Variants in RFC5 observed in about 807,000 individuals in gnomAD.
The protein encoded by RFC5 is replication factor C subunit 5.
A neutral mutation model predicts 44.3 loss-of-function variants in RFC5; 26 were observed. That is an observed-to-expected ratio of 0.59 (90% CI 0.43 to 0.81). RFC5 has a LOEUF of 0.81. RFC5 is among the 40% of genes least tolerant of loss of function. The pLI, the probability that RFC5 is intolerant of heterozygous loss-of-function variation, is 0.00. For missense variants in RFC5, 328 were observed against 418.6 expected, an observed-to-expected ratio of 0.78 and a Z score of 1.89; for synonymous variants, 155 against 155.2, an observed-to-expected ratio of 1.00 and a Z score of 0.01.
chr12:118,038,253 C>A, the RFC5 span: 1 of 1,591,182 alleles, frequency 6.3e-7, no homozygotes, highest in South Asian at 1.1e-5. Flanking sequence ...ACCTCCATGT[C>A]TCAGTGAATT....
At chr12:118,016,975 C>G in intron 1 of RFC5, 83 bp downstream of exon 1, 12 of 1,126,904 alleles carry the variant, frequency 1.1e-5, no homozygotes, top group Non-Finnish European at 1.6e-5. Context: ...GGCAGGTGAC[C>G]GGACCCCAAC....
chr12:118,026,886 C>G lies in RFC5; in HGVS notation c.664-3C>G. 1.2e-6 allele frequency: 2 copies of G among 1,613,858 alleles called. No homozygotes were observed. The highest frequency in any genetic ancestry group is 8.5e-7 in the Non-Finnish European group (1 of 1,179,928). ...TCTCCCCTTTCCCCCTCTGTCTACA[C>G]AGAGCACCAATATGGCCTTTGGGAA... On this transcript the variant is annotated splice_polypyrimidine_tract_variant and splice_region_variant and intron_variant, in intron 7 of 10. Transcript: ENST00000454402.
chr12:118,034,391 A>G (rs746582948), downstream of RFC5: 4 of 1,604,580 alleles, frequency 2.5e-6, no homozygotes, highest in Non-Finnish European at 3.4e-6. Context: ...GCTAAGACAG[A>G]GCTTGGATGT....
chr12:118,036,281 G>A, downstream of RFC5: 1 of 1,566,852 alleles, frequency 6.4e-7, no homozygotes, highest in Non-Finnish European at 8.7e-7. Context: ...TCTAATCCCA[G>A]GCAGGTTCCT....
intron 5 of RFC5, among the ~76,000 whole-genome samples, chr12:118,024,295 C>G (rs1320297052): frequency 1.3e-5 from 2 of 150,468 alleles, no homozygotes; most frequent in Admixed American, 6.6e-5. Flanking sequence ...GAGCCAAGAT[C>G]GTGCCATTGC....
At chr12:118,027,804 A>AAC in intron 8 of RFC5, 149 bp from the exon 9 acceptor site, 1 of 572,490 alleles carries the variant, frequency 1.7e-6, no homozygotes, top group Non-Finnish European at 3.1e-6. Flanking sequence ...ATTGGAGTCC[A>AAC]ACACGTGCAG....
At chr12:118,034,582 T>TCTCTCTCTC (rs879299075), downstream of RFC5, 26 of 542,816 alleles carry the variant, frequency 4.8e-5, no homozygotes, top group Admixed American at 4.1e-4. Flanking sequence ...GCGCTCTCTC[T>TCTCTCTCTC]GTCTCTCTCT....
At chr12:118,021,126 T>C in intron 4 of RFC5, 141 bp downstream of exon 4, 1 of 578,046 alleles carries the variant, frequency 1.7e-6, no homozygotes, top group South Asian at 2.2e-5. Flanking sequence ...GGAAAAGAGA[T>C]AAACGAGAGG....
chr12:118,021,046 AT>A, intron 4 of RFC5, 61 bp downstream of exon 4: 1 of 1,049,892 alleles, frequency 9.5e-7, no homozygotes, highest in Non-Finnish European at 1.5e-6. Flanking sequence ...ATATGGGTTA[AT>A]TTTTTAATCC....
At chr12:118,034,892 G>A (rs867982342), downstream of RFC5, 20 of 1,242,304 alleles carry the variant, frequency 1.6e-5, 1 homozygote, top group Middle Eastern at 1.4e-3. Flanking sequence ...TTTCCTCATA[G>A]GCAAGAAAAT....
intron 4 of RFC5, among the ~76,000 whole-genome samples, chr12:118,021,977 G>A (rs1306539482): frequency 6.6e-6 from 1 of 152,040 alleles, no homozygotes; most frequent in African/African-American, 2.4e-5. Context: ...AAAAGGGTGA[G>A]GGACTCAGGC....
At chr12:118,028,947 G>A (rs2031139645) in intron 9 of RFC5, among the ~76,000 whole-genome samples, 1 of 152,244 alleles carries the variant, frequency 6.6e-6, no homozygotes, top group Admixed American at 6.5e-5. Context: ...ACTGCAAGAT[G>A]GAGACTTAAC....
Position 118,016,737 on chromosome 12 carries a change from G to C in RFC5, c.-91G>C, listed in dbSNP as rs1055868973. ...TTTTGCGCGCGAACTGTAAGTGCCAGGGTCTCAGGGTCAGGTCGCGGCTGG... is the reference window on the plus strand; with the variant it reads ...TTTTGCGCGCGAACTGTAAGTGCCACGGTCTCAGGGTCAGGTCGCGGCTGG... On this transcript the variant is annotated 5_prime_UTR_variant, in exon 1 of 11. Coordinates refer to ENST00000454402, the MANE Select transcript of RFC5 (RefSeq NM_007370.7). 2.9e-6 allele frequency: 3 copies of C among 1,045,968 alleles called. No individual in the cohort carries two copies. The highest frequency in any genetic ancestry group is 4.3e-6 in the Non-Finnish European group (3 of 691,138). 64.8% of individuals were successfully genotyped at this position (1,045,968 alleles called of 1,614,324 possible).
chr12:118,038,461 G>C, the RFC5 span: 1 of 1,431,150 alleles, frequency 7.0e-7, no homozygotes, highest in Non-Finnish European at 9.7e-7. Context: ...GGAGAACTGG[G>C]GTGGTAACAG....
intron 6 of RFC5, 165 bp downstream of exon 6, chr12:118,025,175 G>T: frequency 3.6e-6 from 2 of 548,370 alleles, no homozygotes; most frequent in Non-Finnish European, 6.3e-6. Flanking sequence ...TTTCTCTGCT[G>T]TCTCAAGGCC....
At chr12:118,027,862 T>C (rs1323393654) in intron 8 of RFC5, 91 bp from the exon 9 acceptor site, 5 of 791,438 alleles carry the variant, frequency 6.3e-6, no homozygotes, top group Non-Finnish European at 8.9e-6. Context: ...AAGCCTTACT[T>C]TAAAAAGTCT....
chr12:118,027,016 G>C lies in RFC5; in HGVS notation c.791G>C (p.Arg264Thr), dbSNP rs1182245829. ...MLNQDFTTAYRNITELKTLKG... is the reference protein window; with the variant it reads ...MLNQDFTTAYTNITELKTLKG... ...AATCAAGATTTCACCACAGCCTACA[G>C]AAGTATCCTTTCTCATGACCTCCTG... The change falls in exon 8 of 11, where the codon AGA becomes ACA. Residue 264 changes from arginine to threonine, a missense_variant and splice_region_variant. Transcript: ENST00000454402. 6.2e-7 allele frequency: 1 copy of C among 1,612,494 alleles called. No homozygotes were observed. Among genetic ancestry groups the C allele is most frequent in the South Asian group, 1.1e-5 (1 of 91,066 alleles).
intron 9 of RFC5, among the ~76,000 whole-genome samples, chr12:118,029,295 G>A (rs1443478077): frequency 6.6e-6 from 1 of 152,152 alleles, no homozygotes; most frequent in Non-Finnish European, 1.5e-5. Flanking sequence ...GCGCACACCT[G>A]TAGCCCCAGT....
downstream of RFC5, chr12:118,035,199 A>C: frequency 6.2e-7 from 1 of 1,613,920 alleles, no homozygotes; most frequent in Non-Finnish European, 8.5e-7. Flanking sequence ...ATGTAAAGAG[A>C]GTTCTCTTCG....
Sources: gnomAD v4.1 joint callset for allele counts (sites outside exome capture counted in the v4.1 genomes callset) on GRCh38, gnomAD v4.1.1 for gene constraint, MANE v1.5 for transcripts, NCBI Gene and HGNC (gene_info 2026-07-23, HGNC 2026-07-21) for gene names.